The following WAC variants were observed in gnomAD, a reference collection of about 807,000 sequenced individuals.
WAC encodes the protein WW domain-containing adapter protein with coiled-coil.
WAC carries 11 observed loss-of-function variants against 79.6 expected under a neutral mutation model. That is an observed-to-expected ratio of 0.14 (90% CI 0.09 to 0.23). The LOEUF (loss-of-function observed/expected upper bound fraction) is 0.23, where lower values mean the gene tolerates loss of function less well. Among genes scored for constraint, WAC ranks in the 10% least tolerant of loss-of-function variants. WAC has a pLI of 1.00. For missense variants in WAC, 728 were observed against 773.5 expected, an observed-to-expected ratio of 0.94 and a Z score of 0.70; for synonymous variants, 304 against 276.9, an observed-to-expected ratio of 1.10 and a Z score of -0.97.
intron 7 of WAC, among the ~76,000 whole-genome samples, chr10:28,604,840 G>A (rs1240172772): frequency 6.6e-6 from 1 of 152,106 alleles, no homozygotes; most frequent in African/African-American, 2.4e-5. Context: ...TTGTGTAAGG[G>A]CACTCCAAAC....
chr10:28,582,921 T>C (rs1047890808), intron 3 of WAC, among the ~76,000 whole-genome samples: 1 of 152,170 alleles, frequency 6.6e-6, no homozygotes, highest in East Asian at 1.9e-4. Flanking sequence ...TTGATGCTGT[T>C]TTATTTGAAA....
At chr10:28,571,209 C>T (rs1028489486) in intron 3 of WAC, among the ~76,000 whole-genome samples, 8 of 151,954 alleles carry the variant, frequency 5.3e-5, no homozygotes, top group Admixed American at 2.0e-4. Flanking sequence ...GAATTACAGG[C>T]GTGAGCCACC....
At chr10:28,578,325 CT>C (rs912957926) in intron 3 of WAC, among the ~76,000 whole-genome samples, 5 of 152,240 alleles carry the variant, frequency 3.3e-5, no homozygotes, top group African/African-American at 1.2e-4. Flanking sequence ...TGGTAGATGT[CT>C]TTGAATTATT....
At chr10:28,598,904 C>T (rs1198446452) in intron 7 of WAC, among the ~76,000 whole-genome samples, 2 of 152,182 alleles carry the variant, frequency 1.3e-5, no homozygotes, top group Non-Finnish European at 2.9e-5. Flanking sequence ...ATGGAATTAT[C>T]TGTTTTTATA....
intron 3 of WAC, among the ~76,000 whole-genome samples, chr10:28,541,426 T>TTG (rs1564372882): frequency 3.6e-5 from 5 of 138,106 alleles, no homozygotes; most frequent in South Asian, 2.4e-4. Flanking sequence ...TTTTGTTTTT[T>TTG]TTTTTTTTTT....
chr10:28,535,525 T>C, intron 2 of WAC, 37 bp from the exon 3 acceptor site: 2 of 1,524,778 alleles, frequency 1.3e-6, no homozygotes, highest in East Asian at 2.4e-5. Flanking sequence ...AGGTTTCAAT[T>C]CTTTCTCTCT....
rs1841628247 is a variant in WAC, at chr10:28,619,857, G to C, written c.*251G>C. The C allele has an allele frequency of 3.1e-6, 1 of 317,908 alleles. No individual in the cohort carries two copies. The highest frequency in any genetic ancestry group is 5.7e-6 in the Non-Finnish European group (1 of 175,734). The allele number at this position is 317,908 out of a possible 1,614,324, so 19.7% of individuals were successfully genotyped here. ...TATGTTTTGTAGAGTGAAGCCATGGGAAGCCATGTGTAACAGAGCTTAGAC... is the reference window on the plus strand; with the variant it reads ...TATGTTTTGTAGAGTGAAGCCATGGCAAGCCATGTGTAACAGAGCTTAGAC... On this transcript the variant is annotated 3_prime_UTR_variant, in exon 14 of 14. Coordinates refer to ENST00000354911, the MANE Select transcript of WAC (RefSeq NM_016628.5).
rs772412315 is a variant in WAC at position 28,595,778 on chromosome 10, A to G, written c.656A>G (p.Asn219Ser). 6 of 1,613,998 alleles carry G rather than the reference A, an allele frequency of 3.7e-6. No homozygotes were observed. Among genetic ancestry groups the G allele is most frequent in the Non-Finnish European group, 5.1e-6 (6 of 1,180,014 alleles). The change falls in exon 7 of 14, where the codon AAT (asparagine) becomes AGT (serine). Residue 219 changes from asparagine (N) to serine (S), a missense_variant. By Grantham distance (46) the Asn-to-Ser change is conservative. This residue lies in a region of WAC where 648 missense variants were observed against 661.5 expected (regional missense o/e 0.98). Coordinates refer to ENST00000354911, the MANE Select transcript of WAC (RefSeq NM_016628.5). ...GATGCCAGTAGTTTGCTCCCACAGA[A>G]TATTTTGTCTCAAACAAGCAGACAC... ...SSDASSLLPQ[N>S]ILSQTSRHND...
intron 3 of WAC, among the ~76,000 whole-genome samples, chr10:28,574,924 G>GTAC (rs1274635149): frequency 6.6e-6 from 1 of 151,978 alleles, no homozygotes; most frequent in African/African-American, 2.4e-5. Flanking sequence ...TACATTTTAG[G>GTAC]TACACAAGTA....
intron 3 of WAC, among the ~76,000 whole-genome samples, chr10:28,539,838 C>T (rs12414430): frequency 0.23 from 34,844 of 151,966 alleles, 4,737 homozygotes; most frequent in Non-Finnish European, 0.28. Flanking sequence ...GGATTACAGG[C>T]GTGAGTCACC....
chr10:28,606,662 A>G (rs1407587493), intron 7 of WAC, among the ~76,000 whole-genome samples: 2 of 152,210 alleles, frequency 1.3e-5, no homozygotes, highest in African/African-American at 2.4e-5. Flanking sequence ...CTAGTACTGT[A>G]TATATGATCT....
intron 3 of WAC, among the ~76,000 whole-genome samples, chr10:28,543,102 G>A (rs971710910): frequency 6.6e-6 from 1 of 152,212 alleles, no homozygotes; most frequent in African/African-American, 2.4e-5. Flanking sequence ...AAACTTGAAT[G>A]TGTATACTAA....
chr10:28,563,764 T>TA (rs1838433309), intron 3 of WAC, among the ~76,000 whole-genome samples: 1 of 137,496 alleles, frequency 7.3e-6, no homozygotes, highest in African/African-American at 2.6e-5. Context: ...TTTTTTTTTT[T>TA]TTTTTTTTTG....
chr10:28,539,673 C>G (rs1337652206), intron 3 of WAC, among the ~76,000 whole-genome samples: 1 of 151,888 alleles, frequency 6.6e-6, no homozygotes, highest in African/African-American at 2.4e-5. Flanking sequence ...ATCCTTCTGC[C>G]TTAATGTCCC....
Position 28,541,888 on chromosome 10 carries a change from G to A in WAC, c.274+6131G>A, listed in dbSNP as rs1273948670. 2.6e-5 allele frequency among the ~76,000 whole-genome samples: 4 copies of A among 152,036 alleles called. No homozygotes were observed. The East Asian group carries it at 7.7e-4, about 29-fold the overall frequency. On this transcript the variant is annotated intron_variant, in intron 3 of 13. Coordinates refer to ENST00000354911, the MANE Select transcript of WAC (RefSeq NM_016628.5). Reference sequence around the variant, plus strand: ...CCCCTAGTGTTCCCGAGTCCATTTTGCTTTGTATGATTGTTTCCCCACACA... The same window carrying A: ...CCCCTAGTGTTCCCGAGTCCATTTTACTTTGTATGATTGTTTCCCCACACA...
chr10:28,581,238 CTTTTTTTTTTTTTTTTTTT>C (rs71391053), intron 3 of WAC, among the ~76,000 whole-genome samples: 8 of 66,088 alleles, frequency 1.2e-4, no homozygotes, highest in Non-Finnish European at 1.1e-4. Flanking sequence ...ATGAGCGATT[CTTTTTTTTTTTTTTTTTTT>C]TTTTTTTTTT....
intron 3 of WAC, among the ~76,000 whole-genome samples, chr10:28,579,729 A>G (rs185885101): frequency 6.6e-6 from 1 of 152,320 alleles, no homozygotes; most frequent in East Asian, 1.9e-4. Flanking sequence ...CAGTTTGGAA[A>G]GAGATACACG....
At chr10:28,577,628 T>C (rs1047682436) in intron 3 of WAC, among the ~76,000 whole-genome samples, 4 of 152,186 alleles carry the variant, frequency 2.6e-5, no homozygotes, top group African/African-American at 9.6e-5. Flanking sequence ...CACTGGAAGG[T>C]AGTACAGCAT....
At chr10:28,587,827 T>C (rs1004548661) in intron 4 of WAC, among the ~76,000 whole-genome samples, 2 of 152,170 alleles carry the variant, frequency 1.3e-5, no homozygotes, top group Non-Finnish European at 2.9e-5. Flanking sequence ...GCAAAATCAA[T>C]GTAGTGTGGT....
Sources: gnomAD v4.1 joint callset for allele counts (sites outside exome capture counted in the v4.1 genomes callset) on GRCh38, gnomAD v4.1.1 for gene constraint, gnomAD v4.1.1 regional missense constraint, MANE v1.5 for transcripts, NCBI Gene and HGNC (gene_info 2026-07-23, HGNC 2026-07-21) for gene names.